ARHGAP42: variants seen among roughly 807,000 people sequenced by gnomAD.
ARHGAP42 encodes Rho GTPase activating protein 42.
Under a neutral mutation model 125.0 loss-of-function variants are expected in ARHGAP42, and 63 were observed. The ratio of observed to expected loss-of-function variants is 0.50; its 90% CI spans 0.41 to 0.62. The LOEUF (loss-of-function observed/expected upper bound fraction) is 0.62. Among genes scored for constraint, ARHGAP42 ranks in the 20% least tolerant of loss-of-function variants. The probability of loss-of-function intolerance (pLI) is 0.00; values close to 1 mark genes in which losing one functional copy is unlikely to be tolerated. For synonymous variants in ARHGAP42, 339 were observed against 351.0 expected, an observed-to-expected ratio of 0.97 and a Z score of 0.38; for missense variants, 766 against 1,024.2, an observed-to-expected ratio of 0.75 and a Z score of 3.44.
intron 3 of ARHGAP42, among the ~76,000 whole-genome samples, chr11:100,819,133 T>G (rs987895384): frequency 3.3e-5 from 5 of 152,162 alleles, no homozygotes; most frequent in African/African-American, 1.2e-4. Context: ...TTTGATTCAT[T>G]TTTGCATTCA....
At chr11:100,892,646 T>C (rs962244231) in intron 4 of ARHGAP42, among the ~76,000 whole-genome samples, 25 of 152,182 alleles carry the variant, frequency 1.6e-4, no homozygotes, top group Non-Finnish European at 3.5e-4. Flanking sequence ...TAGATGCTTC[T>C]AGAAAACTCT....
At position 100,877,108 on chromosome 11, in the gene ARHGAP42, G is replaced by A. The variant is rs140263032; in HGVS notation, c.384+17483G>A. Among the ~76,000 whole-genome samples, 521 of 151,596 alleles carry A rather than the reference G, an allele frequency of 3.4e-3. 6 individuals carry two copies. Among genetic ancestry groups the A allele is most frequent in the African/African-American group, 0.011 (443 of 41,264 alleles). ...AATACTGGTGAGCTCATTGTGAGAT[G>A]TATTGTCTCTTAAAGCCAAATTCTT... On this transcript the variant is annotated intron_variant, in intron 4 of 23. Transcript: ENST00000298815.
In ARHGAP42 at chr11:100,992,859, C is replaced by A; in HGVS notation, c.*4058C>A. The stretch of plus-strand genomic sequence containing the variant: ...TCTGCATGTCCTAGACCAATGATTA[C>A]AAGGTGTCTGTGGTTTAGGGGGCCC... On this transcript the variant is annotated 3_prime_UTR_variant, in exon 24 of 24. Transcript: ENST00000298815. The A allele has an allele frequency of 1.3e-6, 1 of 761,222 alleles. No individual in the cohort carries two copies. Among genetic ancestry groups the A allele is most frequent in the Non-Finnish European group, 2.0e-6 (1 of 495,218 alleles). 47.2% of individuals were successfully genotyped at this position (761,222 alleles called of 1,614,324 possible).
chr11:100,700,842 TC>T (rs1459900886), intron 1 of ARHGAP42, among the ~76,000 whole-genome samples: 6 of 152,212 alleles, frequency 3.9e-5, no homozygotes, highest in African/African-American at 1.4e-4. Context: ...TATTTTGACC[TC>T]CTGTCATGAA....
chr11:100,878,905 T>G (rs114118938), intron 4 of ARHGAP42, among the ~76,000 whole-genome samples: 6 of 151,578 alleles, frequency 4.0e-5, no homozygotes, highest in African/African-American at 1.5e-4. Context: ...ATGTATATAG[T>G]ATATAAAAAT....
chr11:100,748,372 A>G (rs553880294), intron 1 of ARHGAP42, among the ~76,000 whole-genome samples: 5 of 150,032 alleles, frequency 3.3e-5, no homozygotes, highest in Non-Finnish European at 5.9e-5. Context: ...TTTTCCCTCA[A>G]TCACCCGACT....
rs59112603 is a variant in ARHGAP42 at position 100,952,734 on chromosome 11, C to CTTTTTTTTTTTTTT, written c.1162+2789_1162+2790insTTTTTTTTTTTTTT. The stretch of plus-strand genomic sequence containing the variant: ...GTATTACTAATTCACCTAAGTCAGG[C>CTTTTTTTTTTTTTT]TTTTTTTTTTTGAGATGGAGTCTCA... On this transcript the variant is annotated intron_variant, in intron 12 of 23. Transcript: ENST00000298815. Among the ~76,000 whole-genome samples, 28 of 117,524 alleles carry CTTTTTTTTTTTTTT rather than the reference C, an allele frequency of 2.4e-4. 1 individual carries two copies. Among genetic ancestry groups the CTTTTTTTTTTTTTT allele is most frequent in the East Asian group, 5.4e-4 (2 of 3,738 alleles). 77.1% of individuals were successfully genotyped at this position (117,524 alleles called of 152,430 possible).
chr11:100,972,196 T>C (rs1293746416), intron 17 of ARHGAP42, among the ~76,000 whole-genome samples: 3 of 152,206 alleles, frequency 2.0e-5, no homozygotes, highest in African/African-American at 7.2e-5. Context: ...ATGCAGTTTG[T>C]GACGCATGGT....
At chr11:100,885,367 C>T (rs1392873581) in intron 4 of ARHGAP42, among the ~76,000 whole-genome samples, 3 of 152,180 alleles carry the variant, frequency 2.0e-5, no homozygotes, top group Non-Finnish European at 4.4e-5. Flanking sequence ...AAAGAATCTT[C>T]CCTGTCAACA....
At chr11:100,827,591 A>C (rs1289832377) in intron 3 of ARHGAP42, among the ~76,000 whole-genome samples, 1 of 152,222 alleles carries the variant, frequency 6.6e-6, no homozygotes, top group Non-Finnish European at 1.5e-5. Flanking sequence ...GGGAAACCTC[A>C]TCAGTATGAG....
Position 100,960,300 on chromosome 11 carries a change from T to C in ARHGAP42, c.1225+355T>C, listed in dbSNP as rs187984073. Among the ~76,000 whole-genome samples, 697 of 152,048 alleles carry C rather than the reference T, an allele frequency of 4.6e-3. 7 individuals are homozygous for C. Among genetic ancestry groups the C allele is most frequent in the African/African-American group, 0.016 (656 of 41,480 alleles). ...GCTTGTCTTCACTCCCTTCCTTCCT[T>C]ATAGTCTTTCTTTTACTGATTTGTC... On this transcript the variant is annotated intron_variant, in intron 13 of 23. Coordinates refer to ENST00000298815, the MANE Select transcript of ARHGAP42 (RefSeq NM_152432.4).
chr11:100,753,891 A>G (rs1358911357), intron 1 of ARHGAP42, among the ~76,000 whole-genome samples: 1 of 152,220 alleles, frequency 6.6e-6, no homozygotes, highest in Non-Finnish European at 1.5e-5. Context: ...TGTAGGCTGC[A>G]GCCTGCAGCT....
intron 4 of ARHGAP42, among the ~76,000 whole-genome samples, chr11:100,883,199 G>A (rs1363570107): frequency 1.3e-5 from 2 of 152,010 alleles, no homozygotes; most frequent in African/African-American, 4.8e-5. Flanking sequence ...ACAGCCTCAA[G>A]CTGGGTTGTA....
chr11:100,925,552 A>G (rs1027343174), intron 6 of ARHGAP42, among the ~76,000 whole-genome samples: 3 of 151,166 alleles, frequency 2.0e-5, no homozygotes, highest in Non-Finnish European at 2.9e-5. Context: ...AGCTTGGCCA[A>G]CATGGTGAAA....
chr11:100,719,650 C>T (rs147497944), intron 1 of ARHGAP42, among the ~76,000 whole-genome samples: 292 of 152,184 alleles, frequency 1.9e-3, no homozygotes, highest in African/African-American at 6.2e-3. Flanking sequence ...TCTCTCTTTC[C>T]TTTTTTTCTT....
Position 100,991,936 on chromosome 11 carries a change from T to G in ARHGAP42, c.*3135T>G, listed in dbSNP as rs773954261. Reference sequence around the variant, plus strand: ...GAAAAATAAAGATACATATGACTTTTATTATTATTCGATGATAATTAGCTT... The same window carrying G: ...GAAAAATAAAGATACATATGACTTTGATTATTATTCGATGATAATTAGCTT... On this transcript the variant is annotated 3_prime_UTR_variant, in exon 24 of 24. Transcript: ENST00000298815. The G allele has an allele frequency of 6.4e-5, 11 of 173,124 alleles. No homozygotes were observed. The highest frequency in any genetic ancestry group is 9.4e-5 in the African/African-American group (4 of 42,362). 10.7% of individuals were successfully genotyped at this position (173,124 alleles called of 1,614,324 possible).
chr11:100,763,574 G>GCC (rs973959720), intron 1 of ARHGAP42, among the ~76,000 whole-genome samples: 1 of 151,730 alleles, frequency 6.6e-6, no homozygotes, highest in Non-Finnish European at 1.5e-5. Context: ...TGCAACCTCC[G>GCC]CCCCCCGGGT....
intron 2 of ARHGAP42, among the ~76,000 whole-genome samples, chr11:100,783,990 A>T (rs1024890291): frequency 6.6e-6 from 1 of 152,206 alleles, no homozygotes; most frequent in Non-Finnish European, 1.5e-5. Context: ...GAATGTGCCC[A>T]GTGCTTTAGG....
At chr11:100,956,542 A>G (rs1219710937) in intron 12 of ARHGAP42, among the ~76,000 whole-genome samples, 2 of 152,074 alleles carry the variant, frequency 1.3e-5, no homozygotes, top group Non-Finnish European at 2.9e-5. Context: ...TTCTGTTCAT[A>G]TTTCATTGTT....
Sources: gnomAD v4.1 joint callset for allele counts (sites outside exome capture counted in the v4.1 genomes callset) on GRCh38, gnomAD v4.1.1 for gene constraint, MANE v1.5 for transcripts, NCBI Gene and HGNC (gene_info 2026-07-23, HGNC 2026-07-21) for gene names.